ZMAT4: variants seen among roughly 807,000 people sequenced by gnomAD.
The protein encoded by ZMAT4 is zinc finger matrin-type 4, also known as zinc finger matrin-type protein 4.
In ZMAT4, 17 loss-of-function variants were observed where a neutral mutation model predicts 28.7. That is an observed-to-expected ratio of 0.59 (90% CI 0.41 to 0.89). ZMAT4 has a LOEUF of 0.89. ZMAT4 is among the 40% of genes least tolerant of loss of function. ZMAT4 has a pLI of 0.00. For synonymous variants in ZMAT4, 117 were observed against 109.2 expected (o/e 1.07, Z -0.44); for missense variants, 240 against 283.8 (o/e 0.85, Z 1.11).
At chr8:40,589,697 C>CA (rs1804787528) in intron 5 of ZMAT4, among the ~76,000 whole-genome samples, 1 of 125,606 alleles carries the variant, frequency 8.0e-6, no homozygotes, top group East Asian at 2.8e-4. Flanking sequence ...CACTTAGAGA[C>CA]CTTCCTTCCT....
chr8:40,601,405 A>AAG, intron 5 of ZMAT4, among the ~76,000 whole-genome samples: 1 of 72,284 alleles, frequency 1.4e-5, no homozygotes, highest in South Asian at 5.1e-4. Flanking sequence ...AGGAGGAAAG[A>AAG]AAGGAAGGAA....
At chr8:40,726,719 C>T (rs960693305) in intron 3 of ZMAT4, among the ~76,000 whole-genome samples, 6 of 152,194 alleles carry the variant, frequency 3.9e-5, no homozygotes, top group African/African-American at 1.4e-4. Context: ...TGCTCACTCA[C>T]TTATGTAGTC....
At chr8:40,812,087 C>A (rs1815343229) in intron 2 of ZMAT4, among the ~76,000 whole-genome samples, 1 of 152,128 alleles carries the variant, frequency 6.6e-6, no homozygotes, top group South Asian at 2.1e-4. Flanking sequence ...ACTGAGATTG[C>A]ACCACTGCAT....
At chr8:40,816,287 C>T (rs1815534428) in intron 2 of ZMAT4, among the ~76,000 whole-genome samples, 2 of 152,158 alleles carry the variant, frequency 1.3e-5, no homozygotes, top group African/African-American at 4.8e-5. Context: ...GATTTTGATA[C>T]TCAGGGCAAC....
At chr8:40,642,588 G>A (rs1289350984) in intron 5 of ZMAT4, among the ~76,000 whole-genome samples, 1 of 152,152 alleles carries the variant, frequency 6.6e-6, no homozygotes, top group African/African-American at 2.4e-5. Context: ...TAATACACAG[G>A]TATGTTCTTC....
At chr8:40,753,876 G>T (rs1482190506) in intron 3 of ZMAT4, among the ~76,000 whole-genome samples, 1 of 152,132 alleles carries the variant, frequency 6.6e-6, no homozygotes, top group Non-Finnish European at 1.5e-5. Flanking sequence ...CAAGTATTTA[G>T]CATAGGGCCT....
chr8:40,737,534 A>G (rs910814079), intron 3 of ZMAT4, among the ~76,000 whole-genome samples: 4 of 152,228 alleles, frequency 2.6e-5, no homozygotes, highest in African/African-American at 4.8e-5. Context: ...TGTTGGTATC[A>G]TATGCTCAAG....
intron 1 of ZMAT4, among the ~76,000 whole-genome samples, chr8:40,881,579 AAAG>A (rs1818265337): frequency 9.3e-6 from 1 of 107,434 alleles, no homozygotes; most frequent in Admixed American, 9.5e-5. Context: ...AGAAAGAAAG[AAAG>A]AAAGAAAGAA....
chr8:40,871,979 G>T (rs6994354), intron 1 of ZMAT4, among the ~76,000 whole-genome samples: 31,609 of 152,162 alleles, frequency 0.21, 3,404 homozygotes, highest in African/African-American at 0.24. Context: ...GGGAAAAACA[G>T]GGGACTTGAT....
At chr8:40,597,143 AT>A (rs1805133180) in intron 5 of ZMAT4, among the ~76,000 whole-genome samples, 1 of 152,232 alleles carries the variant, frequency 6.6e-6, no homozygotes. Context: ...GTATTGGCTT[AT>A]TCAGTGTCTC....
At chr8:40,606,572 T>C (rs1805586771) in intron 5 of ZMAT4, among the ~76,000 whole-genome samples, 1 of 152,262 alleles carries the variant, frequency 6.6e-6, no homozygotes, top group African/African-American at 2.4e-5. Flanking sequence ...GGTTTTCCTT[T>C]ACAGGTTACC....
chr8:40,694,191 C>CT (rs909531767), intron 4 of ZMAT4, among the ~76,000 whole-genome samples: 44 of 152,264 alleles, frequency 2.9e-4, no homozygotes, highest in African/African-American at 1.0e-3. Flanking sequence ...GAAGCTGCTG[C>CT]TGGGTGTGGC....
In ZMAT4 at chr8:40,847,213, AC is replaced by A. The variant is rs1375374762; in HGVS notation, c.-4-21534del. Among the ~76,000 whole-genome samples, 396 of 84,536 alleles carry A rather than the reference AC, an allele frequency of 4.7e-3. 4 individuals are homozygous for A. Among genetic ancestry groups the A allele is most frequent in the African/African-American group, 0.015 (311 of 21,352 alleles). The allele number at this position is 84,536 out of a possible 152,430, so 55.5% of individuals were successfully genotyped here. A position where few individuals can be genotyped will look rare whatever the true frequency, so the allele number is the denominator to read the frequency against. On this transcript the variant is annotated intron_variant, in intron 1 of 6. Transcript: ENST00000297737. ...AGAAAGATTCCATCTAAAAAAACAA[AC>A]AAACAAAAAAAAAAAACTGGGGGAA...
chr8:40,751,094 A>G (rs112897344), intron 3 of ZMAT4, among the ~76,000 whole-genome samples: 1 of 152,218 alleles, frequency 6.6e-6, no homozygotes, highest in Non-Finnish European at 1.5e-5. Context: ...CTTCCAGATA[A>G]GAACTTCCTG....
chr8:40,839,492 G>T lies in ZMAT4; in HGVS notation c.-4-13812C>A, dbSNP rs538168553. The stretch of plus-strand genomic sequence containing the variant: ...CACCAGGTATCTACCCAAAGGAAAA[G>T]AAATCAATATACCAAAAAGATACCT... On this transcript the variant is annotated intron_variant, in intron 1 of 6. Transcript: ENST00000297737. Among the ~76,000 whole-genome samples, 6 of 152,322 alleles carry T rather than the reference G, an allele frequency of 3.9e-5. No individual in the cohort carries two copies. In the South Asian group the frequency reaches 8.3e-4, roughly 21 times the overall value.
At chr8:40,759,802 T>A (rs547637172) in intron 3 of ZMAT4, among the ~76,000 whole-genome samples, 1 of 152,324 alleles carries the variant, frequency 6.6e-6, no homozygotes, top group Admixed American at 6.5e-5. Context: ...CCCATCCTTT[T>A]CTGTTCCAGG....
chr8:40,697,540 T>G, intron 3 of ZMAT4, 139 bp from the exon 4 acceptor site: 1 of 954,688 alleles, frequency 1.0e-6, no homozygotes. Flanking sequence ...TTTGCCTTGC[T>G]TTCTACTCTC....
chr8:40,877,938 A>G (rs1818096654), intron 1 of ZMAT4, among the ~76,000 whole-genome samples: 3 of 152,222 alleles, frequency 2.0e-5, no homozygotes, highest in Admixed American at 2.0e-4. Context: ...CACACTGAAC[A>G]GTGGAAAGCT....
At chr8:40,872,448 C>T (rs1200397020) in intron 1 of ZMAT4, among the ~76,000 whole-genome samples, 1 of 152,210 alleles carries the variant, frequency 6.6e-6, no homozygotes, top group Non-Finnish European at 1.5e-5. Flanking sequence ...CCCCCCAACC[C>T]TGGAGAAGGA....
Sources: gnomAD v4.1 joint callset for allele counts (sites outside exome capture counted in the v4.1 genomes callset) on GRCh38, gnomAD v4.1.1 for gene constraint, MANE v1.5 for transcripts, NCBI Gene and HGNC (gene_info 2026-07-23, HGNC 2026-07-21) for gene names.